Variants in CCDC148 observed in about 807,000 individuals in gnomAD.
The protein encoded by CCDC148 is coiled-coil domain-containing protein 148.
Under a neutral mutation model 85.7 loss-of-function variants are expected in CCDC148, and 89 were observed. That is an observed-to-expected ratio of 1.04 (90% CI 0.87 to 1.24). The LOEUF is 1.24. CCDC148 is among the 50% of genes most tolerant of loss of function. The pLI, the probability that CCDC148 is intolerant of heterozygous loss-of-function variation, is 0.00. For synonymous variants in CCDC148, 230 were observed against 213.9 expected, an observed-to-expected ratio of 1.08 and a Z score of -0.66; for missense variants, 692 against 671.7, an observed-to-expected ratio of 1.03 and a Z score of -0.33.
intron 9 of CCDC148, among the ~76,000 whole-genome samples, chr2:158,265,330 T>C (rs896367492): frequency 2.0e-5 from 3 of 152,224 alleles, no homozygotes; most frequent in Middle Eastern, 3.4e-3. Context: ...ATCCTATACA[T>C]CATTATGTGC....
At chr2:158,352,506 C>T (rs954847373) in intron 2 of CCDC148, among the ~76,000 whole-genome samples, 204 of 151,776 alleles carry the variant, frequency 1.3e-3, no homozygotes, top group African/African-American at 4.1e-3. Flanking sequence ...TGAAATGAAG[C>T]GAGAAGGGAA....
rs368915820 is a variant in CCDC148 at position 158,309,614 on chromosome 2, T to C, written c.929A>G (p.Gln310Arg). Residue 310 changes from glutamine (Q) to arginine (R), a missense_variant, in exon 9 of 14, where the codon CAA becomes CGA. Transcript: ENST00000283233. ...TTGCTGCTCTATAGCAAAGCGATAT[T>C]GGTCACAATATTTCTCGTGTTCAAC... The part of the protein sequence containing the change: ...DLVEHEKYCD[Q>R]YRFAIEQQNI... 33 of 1,613,248 alleles carry C rather than the reference T, an allele frequency of 2.0e-5. 1 individual carries two copies. The highest frequency in any genetic ancestry group is 3.3e-5 in the Admixed American group (2 of 59,998).
intron 10 of CCDC148, among the ~76,000 whole-genome samples, chr2:158,247,017 T>A (rs796526684): frequency 1.6e-4 from 25 of 152,290 alleles, no homozygotes; most frequent in African/African-American, 6.0e-4. Flanking sequence ...TTAATAACCT[T>A]GATTACTTGA....
At chr2:158,393,963 C>A (rs1685423568) in intron 1 of CCDC148, among the ~76,000 whole-genome samples, 1 of 152,006 alleles carries the variant, frequency 6.6e-6, no homozygotes, top group Admixed American at 6.6e-5. Flanking sequence ...TGTCATTTTG[C>A]CTTTAATGAC....
intron 1 of CCDC148, among the ~76,000 whole-genome samples, chr2:158,451,917 A>G (rs931035296): frequency 2.0e-5 from 3 of 152,186 alleles, no homozygotes; most frequent in Non-Finnish European, 4.4e-5. Context: ...GGGACTCACT[A>G]AAGGCAAACA....
chr2:158,276,901 T>C (rs1417946926), intron 9 of CCDC148, among the ~76,000 whole-genome samples: 3 of 152,246 alleles, frequency 2.0e-5, no homozygotes, highest in Non-Finnish European at 4.4e-5. Flanking sequence ...AAAAGTATGA[T>C]GTTTCATGCT....
At chr2:158,210,190 C>A (rs536202262) in intron 11 of CCDC148, among the ~76,000 whole-genome samples, 6 of 152,048 alleles carry the variant, frequency 3.9e-5, no homozygotes, top group African/African-American at 1.4e-4. Flanking sequence ...GACTTTAAAC[C>A]AACAAAGATC....
At chr2:158,340,445 T>C (rs113421353) in intron 4 of CCDC148, 52 bp from the exon 5 acceptor site, 2 of 1,576,888 alleles carry the variant, frequency 1.3e-6, no homozygotes. Context: ...TTTAAGTGTC[T>C]CCAAAAACAG....
intron 7 of CCDC148, among the ~76,000 whole-genome samples, chr2:158,336,882 A>G (rs1049886556): frequency 2.0e-5 from 3 of 152,150 alleles, no homozygotes; most frequent in African/African-American, 7.2e-5. Context: ...TCTTCTGCCT[A>G]TGCTAAGCAT....
intron 1 of CCDC148, among the ~76,000 whole-genome samples, chr2:158,361,329 A>G (rs1333484217): frequency 6.6e-6 from 1 of 152,170 alleles, no homozygotes; most frequent in Non-Finnish European, 1.5e-5. Context: ...AGAGAACACC[A>G]CAAAGATTTT....
intron 1 of CCDC148, among the ~76,000 whole-genome samples, chr2:158,422,467 G>C (rs1686846582): frequency 6.6e-6 from 1 of 152,130 alleles, no homozygotes; most frequent in Non-Finnish European, 1.5e-5. Context: ...CATATAAACA[G>C]AACCAAAGAC....
chr2:158,329,956 G>A (rs1355104238), intron 7 of CCDC148, among the ~76,000 whole-genome samples: 1 of 152,210 alleles, frequency 6.6e-6, no homozygotes, highest in Admixed American at 6.5e-5. Flanking sequence ...TCTGCAAACA[G>A]GGACAATTTG....
chr2:158,452,543 C>CA (rs1359426047), intron 1 of CCDC148, among the ~76,000 whole-genome samples: 2 of 152,166 alleles, frequency 1.3e-5, no homozygotes, highest in African/African-American at 4.8e-5. Flanking sequence ...TTGGGGTAGG[C>CA]ATATTGTGGT....
Position 158,239,182 on chromosome 2 carries a change from C to A in CCDC148, c.1251+11590G>T, listed in dbSNP as rs561142382. Among the ~76,000 whole-genome samples the A allele has an allele frequency of 6.6e-5, 10 of 152,194 alleles. No homozygotes were observed. In the East Asian group the frequency reaches 1.7e-3, roughly 26 times the overall value. On this transcript the variant is annotated intron_variant, in intron 10 of 13. Coordinates refer to ENST00000283233, the MANE Select transcript of CCDC148 (RefSeq NM_138803.4). ...TCAAGACCTAGCCAGAAAGTACAGT[C>A]AAAAATTTATACCTGGAGTTAAATT...
At chr2:158,440,160 C>T (rs1349574334) in intron 1 of CCDC148, among the ~76,000 whole-genome samples, 1 of 152,080 alleles carries the variant, frequency 6.6e-6, no homozygotes, top group Non-Finnish European at 1.5e-5. Flanking sequence ...TGAGGCACAG[C>T]ACCCAGCCTA....
intron 9 of CCDC148, 145 bp from the exon 10 acceptor site, chr2:158,251,057 A>T: frequency 4.5e-6 from 3 of 659,742 alleles, no homozygotes; most frequent in Non-Finnish European, 7.2e-6. Context: ...TGACTGTGTG[A>T]TGTATCTGTG....
At chr2:158,283,235 T>C (rs1001612172) in intron 9 of CCDC148, among the ~76,000 whole-genome samples, 9 of 152,270 alleles carry the variant, frequency 5.9e-5, no homozygotes, top group East Asian at 3.9e-4. Flanking sequence ...ACTTCATGTC[T>C]AAAACATCAA....
At position 158,442,315 on chromosome 2, in the gene CCDC148, G is replaced by A. The variant is rs1055205234; in HGVS notation, c.25+14100C>T. 3.3e-5 allele frequency among the ~76,000 whole-genome samples: 5 copies of A among 152,120 alleles called. No individual in the cohort carries two copies. The South Asian group carries it at 1.0e-3, about 31-fold the overall frequency. The stretch of plus-strand genomic sequence containing the variant: ...TTCTTTGCTAAGAACAGTTTTTCCA[G>A]TGCTGTTTTTCAACTGGAATAATAT... On this transcript the variant is annotated intron_variant, in intron 1 of 13. Transcript: ENST00000283233.
intron 10 of CCDC148, among the ~76,000 whole-genome samples, chr2:158,244,416 C>T (rs1346334651): frequency 6.6e-6 from 1 of 152,104 alleles, no homozygotes; most frequent in Non-Finnish European, 1.5e-5. Context: ...AAGGTATTGA[C>T]AAAACTGAGT....
Sources: gnomAD v4.1 joint callset for allele counts (sites outside exome capture counted in the v4.1 genomes callset) on GRCh38, gnomAD v4.1.1 for gene constraint, MANE v1.5 for transcripts, NCBI Gene and HGNC (gene_info 2026-07-23, HGNC 2026-07-21) for gene names.